The following TEX9 variants were observed in gnomAD, a reference collection of about 807,000 sequenced individuals.
The protein encoded by TEX9 is testis expressed 9.
In TEX9, 74 loss-of-function variants were observed where a neutral mutation model predicts 59.6. That is an observed-to-expected ratio of 1.24 (90% CI 1.03 to 1.51). The LOEUF is 1.51. Among genes scored for constraint, TEX9 ranks in the 40% most tolerant of loss-of-function variants. The pLI is 0.00. For missense variants in TEX9, 522 were observed against 447.8 expected, an observed-to-expected ratio of 1.17 and a Z score of -1.49; for synonymous variants, 186 against 152.2, an observed-to-expected ratio of 1.22 and a Z score of -1.64.
At chr15:56,282,934 T>C (rs1257721712) in intron 1 of TEX9, among the ~76,000 whole-genome samples, 1 of 152,098 alleles carries the variant, frequency 6.6e-6, no homozygotes, top group Non-Finnish European at 1.5e-5. Flanking sequence ...GCTACTGTTG[T>C]GAAAAGTGAG....
chr15:56,308,674 T>A (rs2045537134), intron 1 of TEX9, among the ~76,000 whole-genome samples: 1 of 152,198 alleles, frequency 6.6e-6, no homozygotes, highest in African/African-American at 2.4e-5. Flanking sequence ...CTAACAGTTT[T>A]ATAGTTTTAG....
chr15:56,413,507 A>T (rs575474913), intron 10 of TEX9, among the ~76,000 whole-genome samples: 5 of 151,136 alleles, frequency 3.3e-5, no homozygotes, highest in Non-Finnish European at 7.4e-5. Context: ...AACTCTTTTC[A>T]TCTTGCAAAA....
intron 1 of TEX9, among the ~76,000 whole-genome samples, chr15:56,289,706 C>G (rs1353749037): frequency 6.6e-6 from 1 of 152,144 alleles, no homozygotes; most frequent in African/African-American, 2.4e-5. Flanking sequence ...GGCAGTGGCA[C>G]TGGTGACTGA....
rs567423296 is a variant in TEX9 at position 56,435,905 on chromosome 15, A to G, written c.*29+7432A>G. On this transcript the variant is annotated intron_variant, in intron 12 of 12. Transcript: ENST00000352903. ...TGGATGCACAAATCCTTAACCCAAT[A>G]TTAGAAAAATAGATCATACATTAAA... Among the ~76,000 whole-genome samples, 13 of 152,186 alleles carry G rather than the reference A, an allele frequency of 8.5e-5. 1 individual carries two copies. Among genetic ancestry groups the G allele is most frequent in the African/African-American group, 3.1e-4 (13 of 41,570 alleles).
At chr15:56,261,098 A>G (rs543725869) in intron 1 of TEX9, among the ~76,000 whole-genome samples, 35 of 152,020 alleles carry the variant, frequency 2.3e-4, no homozygotes, top group African/African-American at 7.7e-4. Flanking sequence ...TTCTGATATT[A>G]GTAATTTATA....
At chr15:56,326,182 T>C (rs1346960070) in intron 1 of TEX9, among the ~76,000 whole-genome samples, 1 of 152,218 alleles carries the variant, frequency 6.6e-6, no homozygotes, top group African/African-American at 2.4e-5. Flanking sequence ...CTTTCACTAC[T>C]AGGAAGTCCT....
intron 3 of TEX9, among the ~76,000 whole-genome samples, chr15:56,379,662 A>G (rs2047632645): frequency 6.6e-6 from 1 of 152,120 alleles, no homozygotes; most frequent in African/African-American, 2.4e-5. Context: ...CTATTACTGT[A>G]TTGTGGTCTA....
chr15:56,425,380 C>T (rs2050192209), intron 10 of TEX9, among the ~76,000 whole-genome samples: 1 of 152,034 alleles, frequency 6.6e-6, no homozygotes, highest in Admixed American at 6.6e-5. Flanking sequence ...GATGGTCTCC[C>T]TTAGCTGCTG....
intron 12 of TEX9, among the ~76,000 whole-genome samples, chr15:56,432,876 G>A (rs899025616): frequency 6.6e-6 from 1 of 152,186 alleles, no homozygotes; most frequent in African/African-American, 2.4e-5. Flanking sequence ...AGTCATGTAA[G>A]TCTCACTTAG....
At chr15:56,353,079 T>C (rs2046616182) in intron 1 of TEX9, among the ~76,000 whole-genome samples, 1 of 152,222 alleles carries the variant, frequency 6.6e-6, no homozygotes, top group Non-Finnish European at 1.5e-5. Context: ...ACAGCCCCTT[T>C]CTGCACAAAT....
At chr15:56,445,945 C>G (rs1478635092), downstream of TEX9, 1 of 152,046 alleles carries the variant, frequency 6.6e-6, no homozygotes, top group Non-Finnish European at 1.5e-5. Flanking sequence ...AATGAAGTCT[C>G]TCCACCTTTT....
intron 1 of TEX9, among the ~76,000 whole-genome samples, chr15:56,254,589 A>C (rs764675773): frequency 3.3e-5 from 5 of 151,548 alleles, no homozygotes; most frequent in Non-Finnish European, 5.9e-5. Context: ...CACATCAAGC[A>C]GAAGGAGAGA....
At chr15:56,258,460 T>C (rs141689222) in intron 1 of TEX9, among the ~76,000 whole-genome samples, 4,509 of 152,222 alleles carry the variant, frequency 0.03, 216 homozygotes, top group African/African-American at 0.1. Context: ...ATCTCTGATT[T>C]CTTTGAGCAG....
intron 1 of TEX9, among the ~76,000 whole-genome samples, chr15:56,328,079 C>T (rs1033572544): frequency 1.3e-5 from 2 of 151,862 alleles, no homozygotes; most frequent in African/African-American, 4.8e-5. Flanking sequence ...AAAATAGCCC[C>T]GCTTCCTTCT....
chr15:56,426,558 A>T (rs2050257481), intron 10 of TEX9, among the ~76,000 whole-genome samples: 2 of 52,612 alleles, frequency 3.8e-5, no homozygotes, highest in Admixed American at 3.5e-4. Flanking sequence ...TCTTTTAAAG[A>T]GGTGTTTTTT....
chr15:56,459,371 ATCTGGGTTTCTACTT>A, the TEX9 span, among the ~76,000 whole-genome samples: 5 of 152,188 alleles, frequency 3.3e-5, no homozygotes, highest in Non-Finnish European at 7.4e-5. Flanking sequence ...GCTGACTGGC[ATCTGGGTTTCTACTT>A]TCTGGGTGTC....
rs1206018066 is a variant in TEX9 at position 56,376,162 on chromosome 15, G to A, written c.183+2658G>A. Among the ~76,000 whole-genome samples the A allele has an allele frequency of 1.3e-4, 20 of 151,344 alleles. No individual in the cohort carries two copies. In the East Asian group the frequency reaches 3.9e-3, roughly 30 times the overall value. On this transcript the variant is annotated intron_variant, in intron 3 of 12. Transcript: ENST00000352903. ...GGTGCAGCACACCAGCATGGCACAT[G>A]TATACATATGTAACTAACCTGCACA...
At chr15:56,261,536 G>A (rs2044266386) in intron 1 of TEX9, among the ~76,000 whole-genome samples, 1 of 151,794 alleles carries the variant, frequency 6.6e-6, no homozygotes, top group Non-Finnish European at 1.5e-5. Flanking sequence ...TGACCAACAT[G>A]GCGAAACCTC....
At chr15:56,320,756 G>A (rs1402171) in intron 1 of TEX9, among the ~76,000 whole-genome samples, 1 of 151,892 alleles carries the variant, frequency 6.6e-6, no homozygotes, top group Admixed American at 6.6e-5. Flanking sequence ...AGTAAAAAAT[G>A]TGCTATGATA....
Sources: allele counts gnomAD v4.1 joint callset (sites outside exome capture counted in the v4.1 genomes callset), GRCh38; gene constraint gnomAD v4.1.1; transcripts MANE v1.5; gene names NCBI Gene and HGNC (gene_info 2026-07-23, HGNC 2026-07-21).